Variants in IKZF1 observed in about 807,000 individuals in gnomAD.
IKZF1 encodes the protein DNA-binding protein Ikaros.
IKZF1 carries 10 observed loss-of-function variants against 51.7 expected under a neutral mutation model. The ratio of observed to expected loss-of-function variants is 0.19; its 90% CI spans 0.12 to 0.33. IKZF1 has a LOEUF of 0.33. IKZF1 is among the 10% of genes least tolerant of loss of function. IKZF1 has a pLI of 1.00. For missense variants in IKZF1, 484 were observed against 707.5 expected (o/e 0.68, Z 3.58); for synonymous variants, 280 against 282.3 (o/e 0.99, Z 0.08).
At chr7:50,341,056 T>G (rs1798949609) in intron 3 of IKZF1, among the ~76,000 whole-genome samples, 1 of 152,240 alleles carries the variant, frequency 6.6e-6, no homozygotes, top group Non-Finnish European at 1.5e-5. Context: ...ATAACCATGT[T>G]TTATTATTGA....
intron 7 of IKZF1, among the ~76,000 whole-genome samples, chr7:50,398,347 C>T (rs932174143): frequency 2.6e-5 from 4 of 152,208 alleles, no homozygotes; most frequent in African/African-American, 9.7e-5. Flanking sequence ...CCTGCCCCTC[C>T]TGCCTACCTC....
In IKZF1 at chr7:50,321,508, T is replaced by C. The variant is rs1363212769; in HGVS notation, c.40+2407T>C. Among the ~76,000 whole-genome samples, 4 of 152,288 alleles carry C rather than the reference T, an allele frequency of 2.6e-5. No individual in the cohort carries two copies. The East Asian group carries it at 7.7e-4, about 29-fold the overall frequency. ...CAAAAAACCCAAGCATGTTAAAAATTTCCAGAGGCCAAAAAGATGCTTTCA... is the reference window on the plus strand; with the variant it reads ...CAAAAAACCCAAGCATGTTAAAAATCTCCAGAGGCCAAAAAGATGCTTTCA... On this transcript the variant is annotated intron_variant, in intron 2 of 7. Transcript: ENST00000331340.
At chr7:50,312,882 C>T (rs892878957) in intron 1 of IKZF1, among the ~76,000 whole-genome samples, 6 of 152,176 alleles carry the variant, frequency 3.9e-5, no homozygotes, top group Non-Finnish European at 7.3e-5. Flanking sequence ...TGGATTCCTG[C>T]TTTCCTGTTT....
chr7:50,382,300 G>A (rs1166221190), intron 4 of IKZF1, among the ~76,000 whole-genome samples: 1 of 152,138 alleles, frequency 6.6e-6, no homozygotes, highest in African/African-American at 2.4e-5. Flanking sequence ...AAATGAGTTT[G>A]AATTTGCATT....
At chr7:50,329,755 A>G (rs927803965) in intron 3 of IKZF1, among the ~76,000 whole-genome samples, 1 of 152,210 alleles carries the variant, frequency 6.6e-6, no homozygotes, top group African/African-American at 2.4e-5. Context: ...ACTGAACCAG[A>G]AGAAATGATC....
At chr7:50,308,705 C>T (rs1429636928) in intron 1 of IKZF1, 2 of 152,280 alleles carry the variant, frequency 1.3e-5, no homozygotes, top group African/African-American at 2.4e-5. Flanking sequence ...TTCCACCTTT[C>T]TCTGCACCCT....
At chr7:50,321,402 G>C (rs1314044272) in intron 2 of IKZF1, among the ~76,000 whole-genome samples, 1 of 152,228 alleles carries the variant, frequency 6.6e-6, no homozygotes, top group Non-Finnish European at 1.5e-5. Flanking sequence ...AACACTGGTA[G>C]ATGAGGACTG....
intron 7 of IKZF1, among the ~76,000 whole-genome samples, chr7:50,396,389 T>C (rs895289546): frequency 6.6e-6 from 1 of 152,206 alleles, no homozygotes; most frequent in African/African-American, 2.4e-5. Context: ...TTTTGCTCCT[T>C]ATTTTGTCTC....
At chr7:50,371,995 T>C (rs1479149206) in intron 3 of IKZF1, among the ~76,000 whole-genome samples, 2 of 152,224 alleles carry the variant, frequency 1.3e-5, no homozygotes, top group African/African-American at 4.8e-5. Flanking sequence ...GCTTGTGTTT[T>C]TAAAATCTAT....
intron 5 of IKZF1, among the ~76,000 whole-genome samples, chr7:50,386,563 C>G (rs1226148039): frequency 3.3e-5 from 5 of 151,988 alleles, no homozygotes; most frequent in African/African-American, 1.2e-4. Flanking sequence ...AGTTTATGAA[C>G]AATATATTTT....
At chr7:50,368,085 C>T (rs1807498393) in intron 3 of IKZF1, 4 of 703,398 alleles carry the variant, frequency 5.7e-6, no homozygotes, top group Non-Finnish European at 1.0e-5. Flanking sequence ...TGCCTTGCTT[C>T]TGGAAAACAA....
At chr7:50,389,209 TAGC>T (rs1354085590) in intron 6 of IKZF1, among the ~76,000 whole-genome samples, 1 of 152,178 alleles carries the variant, frequency 6.6e-6, no homozygotes, top group Non-Finnish European at 1.5e-5. Flanking sequence ...GCCACCCTCA[TAGC>T]AGCGCTCTGA....
At chr7:50,324,260 C>T (rs941059192) in intron 2 of IKZF1, among the ~76,000 whole-genome samples, 11 of 152,274 alleles carry the variant, frequency 7.2e-5, no homozygotes, top group Middle Eastern at 3.4e-3. Flanking sequence ...TACAGAGGCT[C>T]ACGTGAGGGA....
At position 50,400,686 on chromosome 7, in the gene IKZF1, C is replaced by G; in HGVS notation, c.*59C>G. ...CACCCCAGGAAAAGCACAAGGACTG[C>G]CGCCTTCTCGCTCCCGCCAGCAGCA... On this transcript the variant is annotated 3_prime_UTR_variant, in exon 8 of 8. Transcript: ENST00000331340. This position sits in a 1 kb window ranked among gnomAD's most constrained non-coding sequence, Gnocchi z 5.4. 1 of 1,535,262 alleles carries G rather than the reference C, an allele frequency of 6.5e-7. No individual in the cohort carries two copies.
rs1203239337 is a variant in IKZF1 at position 50,304,772 on chromosome 7, T to C, written c.-165T>C. On this transcript the variant is annotated 5_prime_UTR_variant, in exon 1 of 8. Transcript: ENST00000331340. The stretch of plus-strand genomic sequence containing the variant: ...GGGGCGGTGACTGCGGCAAGCCCCC[T>C]GGGTCCCCGCGCGGCGCATCCCAGC... The C allele has an allele frequency of 2.0e-5, 3 of 152,048 alleles. No homozygotes were observed. In the East Asian group the frequency reaches 5.8e-4, roughly 29 times the overall value. 9.4% of individuals were successfully genotyped at this position (152,048 alleles called of 1,614,324 possible). A position where few individuals can be genotyped will look rare whatever the true frequency, so the allele number is the denominator to read the frequency against.
intron 3 of IKZF1, among the ~76,000 whole-genome samples, chr7:50,359,448 G>T (rs1007838881): frequency 6.6e-6 from 1 of 152,210 alleles, no homozygotes; most frequent in African/African-American, 2.4e-5. Flanking sequence ...GGGGGAATGT[G>T]CGCAGAGTGA....
chr7:50,349,164 C>T (rs964417393), intron 3 of IKZF1, among the ~76,000 whole-genome samples: 1 of 152,184 alleles, frequency 6.6e-6, no homozygotes, highest in Non-Finnish European at 1.5e-5. Flanking sequence ...CCTGTGTGTT[C>T]ATGGCCTTTG....
chr7:50,392,238 C>G (rs1244767201), intron 7 of IKZF1, among the ~76,000 whole-genome samples: 1 of 152,178 alleles, frequency 6.6e-6, no homozygotes, highest in African/African-American at 2.4e-5. Flanking sequence ...GCTTCAGATC[C>G]TCATTTTTCA....
rs143664139 is a variant in IKZF1, at chr7:50,315,397, T to C, written c.-14-3651T>C. 8.1e-4 allele frequency among the ~76,000 whole-genome samples: 123 copies of C among 152,226 alleles called. 2 individuals are homozygous for C. The East Asian group carries it at 0.019, about 23-fold the overall frequency. On this transcript the variant is annotated intron_variant, in intron 1 of 7. Transcript: ENST00000331340. The stretch of plus-strand genomic sequence containing the variant: ...GGAGTGGAGGGTGCCTGGTGGCTTG[T>C]GACTGCAGACTCCACTCCCCGCTCC...
Sources: gnomAD v4.1 joint callset for allele counts (sites outside exome capture counted in the v4.1 genomes callset) on GRCh38, gnomAD v4.1.1 for gene constraint, Gnocchi (gnomAD v3.1) non-coding constraint, MANE v1.5 for transcripts, NCBI Gene and HGNC (gene_info 2026-07-23, HGNC 2026-07-21) for gene names.